The following RBFOX1 variants were observed in gnomAD, a reference collection of about 807,000 sequenced individuals.
The protein encoded by RBFOX1 is RNA binding protein fox-1 homolog 1.
A neutral mutation model predicts 57.7 loss-of-function variants in RBFOX1; 8 were observed. The observed-to-expected ratio is 0.14, with a 90% CI of 0.08 to 0.25. RBFOX1 has a LOEUF of 0.25. Ranked by LOEUF, RBFOX1 falls within the 10% of genes least tolerant of loss-of-function variation. The pLI is 1.00. For missense variants in RBFOX1, 611 were observed against 548.5 expected (o/e 1.11, Z -1.14); for synonymous variants, 326 against 222.4 (o/e 1.47, Z -4.15).
At chr16:7,304,932 GT>G (rs2096139305) in intron 4 of RBFOX1, among the ~76,000 whole-genome samples, 4 of 149,386 alleles carry the variant, frequency 2.7e-5, no homozygotes, top group Non-Finnish European at 5.9e-5. Flanking sequence ...GTGTGTGTGT[GT>G]GTGTGTGTGT....
chr16:5,536,048 A>C (rs2044680878), intron 2 of RBFOX1, among the ~76,000 whole-genome samples: 1 of 151,558 alleles, frequency 6.6e-6, no homozygotes, highest in Non-Finnish European at 1.5e-5. Flanking sequence ...TCTTACTTTT[A>C]GCTTCTTTTG....
chr16:6,827,156 A>G (rs1392973706), intron 3 of RBFOX1, among the ~76,000 whole-genome samples: 2 of 151,828 alleles, frequency 1.3e-5, no homozygotes, highest in African/African-American at 4.8e-5. Context: ...TAAAGAGGAC[A>G]CTATTTTTTA....
At chr16:7,330,981 G>T (rs1853390214) in intron 4 of RBFOX1, among the ~76,000 whole-genome samples, 1 of 152,176 alleles carries the variant, frequency 6.6e-6, no homozygotes, top group Non-Finnish European at 1.5e-5. Flanking sequence ...AGAGGGGTCA[G>T]TGCGCAGCTG....
intron 3 of RBFOX1, among the ~76,000 whole-genome samples, chr16:6,867,925 A>C (rs2060219649): frequency 6.6e-6 from 1 of 152,146 alleles, no homozygotes; most frequent in South Asian, 2.1e-4. Context: ...TCAAATATAG[A>C]AGCCAAGCGT....
At chr16:7,292,655 T>A (rs988551834) in intron 4 of RBFOX1, among the ~76,000 whole-genome samples, 7 of 151,758 alleles carry the variant, frequency 4.6e-5, no homozygotes, top group Non-Finnish European at 1.0e-4. Flanking sequence ...GAGTTTTTTG[T>A]CTATGAGGCA....
intron 4 of RBFOX1, among the ~76,000 whole-genome samples, chr16:7,275,940 A>ACAC (rs756337127): frequency 3.9e-5 from 6 of 152,246 alleles, no homozygotes; most frequent in South Asian, 2.1e-4. Flanking sequence ...TAATCTCCAA[A>ACAC]CACCACCACC....
chr16:6,835,077 G>T (rs1238672421), intron 3 of RBFOX1, among the ~76,000 whole-genome samples: 1 of 151,892 alleles, frequency 6.6e-6, no homozygotes, highest in Non-Finnish European at 1.5e-5. Context: ...ATATTTTTTA[G>T]TAGAGACGGG....
intron 1 of RBFOX1, among the ~76,000 whole-genome samples, chr16:6,183,672 A>G (rs1473468662): frequency 6.6e-6 from 1 of 152,106 alleles, no homozygotes; most frequent in Non-Finnish European, 1.5e-5. Context: ...CTAGAAGATC[A>G]GAAAGAAGGA....
chr16:6,822,285 C>T (rs909968803), intron 3 of RBFOX1, among the ~76,000 whole-genome samples: 3 of 152,162 alleles, frequency 2.0e-5, no homozygotes, highest in African/African-American at 7.2e-5. Context: ...CTTTTCCATT[C>T]TATCACCATT....
intron 2 of RBFOX1, among the ~76,000 whole-genome samples, chr16:6,468,260 C>G (rs950017136): frequency 6.6e-6 from 1 of 152,104 alleles, no homozygotes; most frequent in Non-Finnish European, 1.5e-5. Flanking sequence ...ACGTTTTTGA[C>G]TTTTTCACCA....
intron 14 of RBFOX1, among the ~76,000 whole-genome samples, chr16:7,702,952 C>CA (rs960160909): frequency 6.6e-5 from 10 of 152,322 alleles, no homozygotes; most frequent in African/African-American, 2.4e-4. Flanking sequence ...AGGTTACCTT[C>CA]TGATGTCCCC....
intron 4 of RBFOX1, among the ~76,000 whole-genome samples, chr16:7,474,449 T>C (rs557649673): frequency 6.6e-6 from 1 of 152,176 alleles, no homozygotes; most frequent in South Asian, 2.1e-4. Context: ...CAATTAAGGA[T>C]AACATCTCCA....
At chr16:6,432,753 G>T (rs1183688365) in intron 2 of RBFOX1, among the ~76,000 whole-genome samples, 2 of 152,122 alleles carry the variant, frequency 1.3e-5, no homozygotes, top group Admixed American at 6.5e-5. Context: ...GCAAAGGTGG[G>T]CAGGTCACGA....
intron 4 of RBFOX1, among the ~76,000 whole-genome samples, chr16:7,310,570 A>G (rs574473220): frequency 2.7e-4 from 41 of 152,360 alleles, no homozygotes; most frequent in African/African-American, 9.9e-4. Flanking sequence ...GTCATGGTCC[A>G]GTATTTCTCA....
chr16:5,905,377 A>G (rs890722067), intron 4 of RBFOX1, among the ~76,000 whole-genome samples: 1 of 151,896 alleles, frequency 6.6e-6, no homozygotes, highest in Non-Finnish European at 1.5e-5. Context: ...ACAAGGAGAG[A>G]TGATTAGGAC....
intron 1 of RBFOX1, among the ~76,000 whole-genome samples, chr16:5,286,421 T>A (rs2063396471): frequency 6.6e-6 from 1 of 152,196 alleles, no homozygotes. Flanking sequence ...GTAGTAAGTG[T>A]GAGCACTAGC....
intron 2 of RBFOX1, among the ~76,000 whole-genome samples, chr16:6,397,621 A>G (rs2092896443): frequency 6.6e-6 from 1 of 152,242 alleles, no homozygotes; most frequent in African/African-American, 2.4e-5. Context: ...GAACATGGTA[A>G]ATATGTGGAT....
At chr16:6,234,031 GCCGTGT>G (rs2097486292) in intron 1 of RBFOX1, among the ~76,000 whole-genome samples, 1 of 152,158 alleles carries the variant, frequency 6.6e-6, no homozygotes. Flanking sequence ...GGGGAAGAAT[GCCGTGT>G]CCTCACATGG....
chr16:7,423,142 G>T (rs2098558951), intron 4 of RBFOX1: 1 of 151,538 alleles, frequency 6.6e-6, no homozygotes. Context: ...TATGAATATG[G>T]GTCCAGTGGT....
Sources: allele counts gnomAD v4.1 joint callset (sites outside exome capture counted in the v4.1 genomes callset), GRCh38; gene constraint gnomAD v4.1.1; transcripts MANE v1.5; gene names NCBI Gene and HGNC (gene_info 2026-07-23, HGNC 2026-07-21).